The following SNX18 variants were observed in gnomAD, a reference collection of about 807,000 sequenced individuals.
SNX18 encodes sorting nexin-18.
In SNX18, 35 loss-of-function variants were observed where a neutral mutation model predicts 48.7. The ratio of observed to expected loss-of-function variants is 0.72; its 90% CI spans 0.55 to 0.95. The LOEUF (loss-of-function observed/expected upper bound fraction) is 0.95. Among genes scored for constraint, SNX18 ranks in the 40% least tolerant of loss-of-function variants. The pLI is 0.00. For synonymous variants in SNX18, 492 were observed against 384.7 expected (o/e 1.28, Z -3.26); for missense variants, 824 against 871.0 (o/e 0.95, Z 0.68).
the SNX18 span, among the ~76,000 whole-genome samples, chr5:54,590,038 G>C: frequency 1.3e-5 from 2 of 152,184 alleles, no homozygotes; most frequent in Non-Finnish European, 2.9e-5. Flanking sequence ...CCATCCTCCT[G>C]TCTGGACCTC....
the SNX18 span, among the ~76,000 whole-genome samples, chr5:54,579,324 G>A: frequency 7.2e-6 from 1 of 138,776 alleles, no homozygotes; most frequent in Non-Finnish European, 1.5e-5. Flanking sequence ...GCCTGGGTGA[G>A]AGAGCCAGAC....
At chr5:54,631,824 C>T in the SNX18 span, among the ~76,000 whole-genome samples, 13 of 152,302 alleles carry the variant, frequency 8.5e-5, no homozygotes, top group African/African-American at 2.2e-4. Context: ...ATGATTATGT[C>T]GTACAAGTGA....
intron 1 of SNX18, among the ~76,000 whole-genome samples, chr5:54,542,800 AAAT>A (rs1161244231): frequency 6.6e-6 from 1 of 152,212 alleles, no homozygotes; most frequent in Non-Finnish European, 1.5e-5. Context: ...ATATATGTGG[AAAT>A]AATGATGTCA....
In SNX18 at chr5:54,522,161, A is replaced by C. The variant is rs116648174; in HGVS notation, c.1621+2588A>C. Among the ~76,000 whole-genome samples the C allele has an allele frequency of 2.7e-3, 407 of 152,370 alleles. 1 individual carries two copies. The highest frequency in any genetic ancestry group is 8.0e-3 in the African/African-American group (334 of 41,574). The stretch of plus-strand genomic sequence containing the variant: ...TACATAAGGCTAAAAGCATTTGCCT[A>C]TAACCAGTGTTTATCAAGGATGCTA... On this transcript the variant is annotated intron_variant, in intron 1 of 1. Transcript: ENST00000381410.
the SNX18 span, among the ~76,000 whole-genome samples, chr5:54,583,551 C>T: frequency 2.0e-5 from 3 of 152,202 alleles, no homozygotes; most frequent in Non-Finnish European, 4.4e-5. Context: ...GGTCAGCAAA[C>T]CTGGGCCCAG....
At chr5:54,554,850 T>A in the SNX18 span, among the ~76,000 whole-genome samples, 1 of 152,204 alleles carries the variant, frequency 6.6e-6, no homozygotes, top group East Asian at 1.9e-4. Flanking sequence ...TTCCAGATTA[T>A]ATCGGGGTCT....
At chr5:54,521,344 A>G (rs529367226) in intron 1 of SNX18, among the ~76,000 whole-genome samples, 7 of 152,218 alleles carry the variant, frequency 4.6e-5, no homozygotes, top group Non-Finnish European at 8.8e-5. Context: ...ATTATATATT[A>G]GAAAAGGTAT....
At chr5:54,558,591 T>C in the SNX18 span, among the ~76,000 whole-genome samples, 1 of 152,158 alleles carries the variant, frequency 6.6e-6, no homozygotes, top group African/African-American at 2.4e-5. Context: ...CTTGATGATA[T>C]CATATAAAAA....
the SNX18 span, among the ~76,000 whole-genome samples, chr5:54,590,330 G>C: frequency 2.0e-5 from 3 of 152,160 alleles, no homozygotes; most frequent in Non-Finnish European, 1.5e-5. Context: ...AGTTCTAGAC[G>C]GGGGGCATTT....
At chr5:54,618,858 G>T in the SNX18 span, among the ~76,000 whole-genome samples, 1 of 152,022 alleles carries the variant, frequency 6.6e-6, no homozygotes, top group Non-Finnish European at 1.5e-5. Context: ...ATACATCTCC[G>T]TAGTTAATAA....
chr5:54,532,308 TTTTTTTTTTTC>T (rs1420863737), intron 1 of SNX18, among the ~76,000 whole-genome samples: 2 of 48,162 alleles, frequency 4.2e-5, no homozygotes, highest in East Asian at 1.6e-3. Context: ...CTATTGTTGC[TTTTTTTTTTTC>T]TTTTTTTTTT....
Position 54,519,296 on chromosome 5 carries a change from G to C in SNX18, c.1344G>C (p.Thr448=). 6.2e-7 allele frequency: 1 copy of C among 1,613,986 alleles called. No individual in the cohort carries two copies. The highest frequency in any genetic ancestry group is 8.5e-7 in the Non-Finnish European group (1 of 1,179,982). ...MDDSALQLNH[T]ANEFARKQVT... Reference sequence around the variant, plus strand: ...ACAGCGCGCTGCAGCTCAACCACACGGCCAACGAGTTCGCGCGCAAGCAGG... The same window carrying C: ...ACAGCGCGCTGCAGCTCAACCACACCGCCAACGAGTTCGCGCGCAAGCAGG... Residue 448 remains threonine (T), a synonymous_variant, in exon 1 of 2, where the codon ACG becomes ACC. Transcript: ENST00000381410.
chr5:54,639,658 G>A, the SNX18 span, among the ~76,000 whole-genome samples: 295 of 152,166 alleles, frequency 1.9e-3, 1 homozygote, highest in African/African-American at 6.9e-3. Context: ...AGTAAGTTAC[G>A]CACCCAAAAT....
intron 1 of SNX18, among the ~76,000 whole-genome samples, chr5:54,535,571 A>T (rs1762337602): frequency 6.6e-6 from 1 of 152,102 alleles, no homozygotes; most frequent in South Asian, 2.1e-4. Flanking sequence ...ACACTAATCC[A>T]CTCAATCTGT....
chr5:54,536,296 A>G (rs545075413), intron 1 of SNX18, among the ~76,000 whole-genome samples: 1 of 152,208 alleles, frequency 6.6e-6, no homozygotes, highest in East Asian at 1.9e-4. Context: ...TTTGTTACAT[A>G]TGTATACATG....
intron 1 of SNX18, among the ~76,000 whole-genome samples, chr5:54,539,175 C>G (rs1353146604): frequency 6.6e-6 from 1 of 152,094 alleles, no homozygotes; most frequent in Admixed American, 6.5e-5. Flanking sequence ...AGGTGTGCGT[C>G]ACCACACCTG....
chr5:54,527,746 A>G (rs147107930), intron 1 of SNX18, among the ~76,000 whole-genome samples: 5 of 152,302 alleles, frequency 3.3e-5, no homozygotes, highest in African/African-American at 1.2e-4. Context: ...CCTGTGTTGT[A>G]TAGCTGTTAA....
chr5:54,642,773 T>C, the SNX18 span, among the ~76,000 whole-genome samples: 1 of 152,220 alleles, frequency 6.6e-6, no homozygotes, highest in Non-Finnish European at 1.5e-5. Flanking sequence ...TGGCCTACCA[T>C]ATCAGCAAGA....
At chr5:54,535,505 G>A (rs920687408) in intron 1 of SNX18, among the ~76,000 whole-genome samples, 7 of 152,172 alleles carry the variant, frequency 4.6e-5, no homozygotes, top group African/African-American at 1.4e-4. Context: ...AACATAGAAA[G>A]GAAAGGACCC....
Sources: allele counts gnomAD v4.1 joint callset (sites outside exome capture counted in the v4.1 genomes callset), GRCh38; gene constraint gnomAD v4.1.1; transcripts MANE v1.5; gene names NCBI Gene and HGNC (gene_info 2026-07-23, HGNC 2026-07-21).